The following RFX3 variants were observed in gnomAD, a reference collection of about 807,000 sequenced individuals.
The protein encoded by RFX3 is transcription factor RFX3.
A neutral mutation model predicts 98.6 loss-of-function variants in RFX3; 14 were observed. The ratio of observed to expected loss-of-function variants is 0.14; its 90% CI spans 0.09 to 0.22. The LOEUF (loss-of-function observed/expected upper bound fraction) is 0.22. Ranked by LOEUF, RFX3 falls within the 10% of genes least tolerant of loss-of-function variation. The pLI is 1.00. For synonymous variants in RFX3, 383 were observed against 328.4 expected, an observed-to-expected ratio of 1.17 and a Z score of -1.80; for missense variants, 639 against 926.9, an observed-to-expected ratio of 0.69 and a Z score of 4.03.
intron 2 of RFX3, 71 bp downstream of exon 2, chr9:3,395,401 G>A (rs1840752391): frequency 1.3e-6 from 2 of 1,516,412 alleles, no homozygotes; most frequent in African/African-American, 1.9e-5. Context: ...AATAATTTTT[G>A]GATACAGGTA....
intron 15 of RFX3, among the ~76,000 whole-genome samples, chr9:3,238,348 A>C (rs1320808620): frequency 6.6e-6 from 1 of 152,126 alleles, no homozygotes; most frequent in Non-Finnish European, 1.5e-5. Context: ...TGCACTGATC[A>C]AGCCATTTAT....
rs1420147980 is a variant in RFX3, at chr9:3,257,020, C to T, written c.1785G>A (p.Arg595=). The T allele has an allele frequency of 1.2e-6, 2 of 1,614,016 alleles. No homozygotes were observed. The highest frequency in any genetic ancestry group is 1.7e-6 in the Non-Finnish European group (2 of 1,179,964). ...EGRPSFPKAA[R]QFLLKWSFYS... Reference sequence around the variant, plus strand: ...AGAAAGACCATTTTAGCAGAAACTGCCTGGCGGCTTTAGGAAAACTGGGTC... The same window carrying T: ...AGAAAGACCATTTTAGCAGAAACTGTCTGGCGGCTTTAGGAAAACTGGGTC... Residue 595 remains arginine, a synonymous_variant, in exon 14 of 17, where the codon AGG becomes AGA. Coordinates refer to ENST00000617270, the MANE Select transcript of RFX3 (RefSeq NM_001282116.2).
intron 1 of RFX3, among the ~76,000 whole-genome samples, chr9:3,398,643 AATG>A (rs1003974918): frequency 7.2e-5 from 11 of 152,220 alleles, no homozygotes; most frequent in African/African-American, 2.6e-4. Context: ...AGTTTCTTAC[AATG>A]ATGTCACTCG....
chr9:3,446,100 A>G (rs1156950050), intron 1 of RFX3, among the ~76,000 whole-genome samples: 1 of 152,080 alleles, frequency 6.6e-6, no homozygotes, highest in East Asian at 1.9e-4. Context: ...TGCCTGATAT[A>G]TGAGAACAGT....
chr9:3,251,614 TG>T (rs1217046317), intron 14 of RFX3, among the ~76,000 whole-genome samples: 1 of 151,972 alleles, frequency 6.6e-6, no homozygotes, highest in Admixed American at 6.6e-5. Flanking sequence ...GGATTACAGG[TG>T]CAAGCCACCA....
At chr9:3,491,696 C>T (rs971762532) in intron 1 of RFX3, among the ~76,000 whole-genome samples, 1 of 152,146 alleles carries the variant, frequency 6.6e-6, no homozygotes, top group Non-Finnish European at 1.5e-5. Context: ...GCAAAAACCA[C>T]AGTTGCTTAG....
intron 4 of RFX3, among the ~76,000 whole-genome samples, chr9:3,317,418 A>G (rs1830747511): frequency 6.6e-6 from 1 of 152,244 alleles, no homozygotes; most frequent in Non-Finnish European, 1.5e-5. Flanking sequence ...TAAAAGCCCT[A>G]GAAGAAAACC....
intron 1 of RFX3, among the ~76,000 whole-genome samples, chr9:3,455,988 A>G (rs1392277281): frequency 1.3e-5 from 2 of 152,250 alleles, no homozygotes; most frequent in Non-Finnish European, 2.9e-5. Context: ...CTGGAAGTCA[A>G]GGTGTCGGCA....
intron 1 of RFX3, among the ~76,000 whole-genome samples, chr9:3,449,392 G>A (rs1483302097): frequency 2.0e-5 from 3 of 152,176 alleles, no homozygotes; most frequent in Non-Finnish European, 4.4e-5. Context: ...CACTAGTCAT[G>A]TTTGCTTATT....
chr9:3,366,420 G>C (rs1186770424), intron 2 of RFX3, among the ~76,000 whole-genome samples: 1 of 152,094 alleles, frequency 6.6e-6, no homozygotes, highest in East Asian at 1.9e-4. Context: ...TGGTTTTAGA[G>C]TACTCCATAG....
At chr9:3,412,419 C>T (rs4741829) in intron 1 of RFX3, among the ~76,000 whole-genome samples, 34,352 of 151,936 alleles carry the variant, frequency 0.23, 6,971 homozygotes, top group African/African-American at 0.54. Context: ...ATGCTATTTT[C>T]GTTTCAAGTA....
chr9:3,445,581 CTCTT>C (rs1441808916), intron 1 of RFX3, among the ~76,000 whole-genome samples: 6 of 152,220 alleles, frequency 3.9e-5, no homozygotes, highest in Admixed American at 2.0e-4. Context: ...TGCGTACAGA[CTCTT>C]TCTTTCTTCT....
At chr9:3,362,008 A>G (rs1363314673) in intron 2 of RFX3, among the ~76,000 whole-genome samples, 1 of 152,190 alleles carries the variant, frequency 6.6e-6, no homozygotes, top group Non-Finnish European at 1.5e-5. Context: ...TGCCAAAAAC[A>G]AGTTCTACAA....
At chr9:3,473,120 T>A (rs922920941) in intron 1 of RFX3, among the ~76,000 whole-genome samples, 29 of 152,130 alleles carry the variant, frequency 1.9e-4, no homozygotes, top group African/African-American at 5.8e-4. Context: ...CCCTTAAGAA[T>A]CTCAATGGTA....
intron 15 of RFX3, among the ~76,000 whole-genome samples, chr9:3,238,153 A>G (rs1819425710): frequency 6.6e-6 from 1 of 152,150 alleles, no homozygotes; most frequent in Non-Finnish European, 1.5e-5. Context: ...TTCAAATACT[A>G]TCGATAAAAC....
intron 2 of RFX3, among the ~76,000 whole-genome samples, chr9:3,374,032 G>C (rs1197005441): frequency 6.6e-6 from 1 of 151,710 alleles, no homozygotes; most frequent in Non-Finnish European, 1.5e-5. Context: ...GAGTCGAGAT[G>C]GCACCACTAC....
intron 15 of RFX3, among the ~76,000 whole-genome samples, chr9:3,236,313 C>T (rs573378118): frequency 3.9e-5 from 6 of 152,020 alleles, no homozygotes; most frequent in African/African-American, 1.2e-4. Flanking sequence ...CAGAGCTGAA[C>T]GTTGTCAAGG....
At chr9:3,293,889 G>A (rs1827686214) in intron 5 of RFX3, among the ~76,000 whole-genome samples, 1 of 152,122 alleles carries the variant, frequency 6.6e-6, no homozygotes, top group African/African-American at 2.4e-5. Context: ...TACATGTAAT[G>A]AAAAGGAATC....
intron 1 of RFX3, among the ~76,000 whole-genome samples, chr9:3,408,135 G>C (rs1006384630): frequency 6.6e-6 from 1 of 152,152 alleles, no homozygotes; most frequent in Non-Finnish European, 1.5e-5. Context: ...TCTGGCACAG[G>C]TGCCAGGGGT....
Sources: allele counts gnomAD v4.1 joint callset (sites outside exome capture counted in the v4.1 genomes callset), GRCh38; gene constraint gnomAD v4.1.1; transcripts MANE v1.5; gene names NCBI Gene and HGNC (gene_info 2026-07-23, HGNC 2026-07-21).